The following GRID1 variants were observed in gnomAD, a reference collection of about 807,000 sequenced individuals.
GRID1 encodes glutamate receptor ionotropic, delta-1.
A neutral mutation model predicts 98.0 loss-of-function variants in GRID1; 28 were observed. The observed-to-expected ratio is 0.29, with a 90% CI of 0.21 to 0.39. GRID1 has a LOEUF of 0.39. Among genes scored for constraint, GRID1 ranks in the 10% least tolerant of loss-of-function variants. GRID1 has a pLI of 1.00. For missense variants in GRID1, 1,111 were observed against 1,340.5 expected (o/e 0.83, Z 2.67); for synonymous variants, 553 against 538.5 (o/e 1.03, Z -0.37).
chr10:86,069,949 G>T (rs1843779802), intron 4 of GRID1, among the ~76,000 whole-genome samples: 1 of 152,152 alleles, frequency 6.6e-6, no homozygotes, highest in Non-Finnish European at 1.5e-5. Context: ...GGAAGACAGG[G>T]ATGCCGAAGA....
intron 2 of GRID1, among the ~76,000 whole-genome samples, chr10:86,243,718 A>G (rs961662256): frequency 6.6e-5 from 10 of 152,218 alleles, no homozygotes; most frequent in African/African-American, 2.4e-4. Context: ...CCTGGAAATG[A>G]AAGTTGCTTG....
rs1167045811 is a variant in GRID1 at position 85,800,393 on chromosome 10, C to T, written c.1233+54103G>A. On this transcript the variant is annotated intron_variant, in intron 8 of 15. Coordinates refer to ENST00000327946, the MANE Select transcript of GRID1 (RefSeq NM_017551.3). ...AAACTATGTTCTTAACCAAAGGTTA[C>T]AAGATAGAAACAAAAACATAAGATA... 3.3e-5 allele frequency among the ~76,000 whole-genome samples: 5 copies of T among 151,812 alleles called. No homozygotes were observed. In the East Asian group the frequency reaches 9.7e-4, roughly 29 times the overall value.
At chr10:85,783,646 T>A (rs970068081) in intron 8 of GRID1, among the ~76,000 whole-genome samples, 1 of 152,186 alleles carries the variant, frequency 6.6e-6, no homozygotes, top group Non-Finnish European at 1.5e-5. Context: ...TTCGTCCTTG[T>A]GTCATGAGGT....
intron 4 of GRID1, among the ~76,000 whole-genome samples, chr10:85,927,438 AC>A (rs1482541369): frequency 6.0e-5 from 9 of 151,084 alleles, no homozygotes; most frequent in African/African-American, 2.0e-4. Flanking sequence ...CCTGGCTTTT[AC>A]CCCATAAGCT....
chr10:85,664,132 T>C (rs6585974), intron 12 of GRID1, among the ~76,000 whole-genome samples: 6,839 of 152,122 alleles, frequency 0.045, 464 homozygotes, highest in African/African-American at 0.15. Flanking sequence ...GGAGGGAGCT[T>C]TTGACTGGGA....
intron 6 of GRID1, among the ~76,000 whole-genome samples, chr10:85,863,838 G>T (rs1004858889): frequency 6.6e-6 from 1 of 152,174 alleles, no homozygotes; most frequent in East Asian, 1.9e-4. Flanking sequence ...GGGTATTCCA[G>T]CCTAGTATTT....
chr10:85,780,559 C>A (rs1042539112), intron 8 of GRID1, among the ~76,000 whole-genome samples: 1 of 152,184 alleles, frequency 6.6e-6, no homozygotes, highest in Non-Finnish European at 1.5e-5. Flanking sequence ...ATAATCCCTC[C>A]TATGGGGCTG....
Position 85,770,086 on chromosome 10 carries a change from C to A in GRID1, c.1234-40472G>T, listed in dbSNP as rs1353637802. 2.0e-5 allele frequency among the ~76,000 whole-genome samples: 3 copies of A among 152,328 alleles called. No individual in the cohort carries two copies. The South Asian group carries it at 6.2e-4, about 32-fold the overall frequency. On this transcript the variant is annotated intron_variant, in intron 8 of 15. Coordinates refer to ENST00000327946, the MANE Select transcript of GRID1 (RefSeq NM_017551.3). ...ACTGAGAGGCACCCCCCAGTAGGGG[C>A]AGACTGACACCTCACACGGCCGGGT...
intron 3 of GRID1, among the ~76,000 whole-genome samples, chr10:86,201,320 T>A (rs1845947271): frequency 1.3e-5 from 2 of 152,180 alleles, no homozygotes; most frequent in South Asian, 4.1e-4. Context: ...TGCAGAAGTG[T>A]TATTCCACAT....
chr10:85,968,569 G>A (rs767373532), intron 4 of GRID1, among the ~76,000 whole-genome samples: 2 of 151,804 alleles, frequency 1.3e-5, no homozygotes, highest in Non-Finnish European at 1.5e-5. Flanking sequence ...GAAGGGGGAG[G>A]AAACAGCTAC....
At chr10:85,620,967 G>C (rs1842852463) in intron 13 of GRID1, among the ~76,000 whole-genome samples, 1 of 152,138 alleles carries the variant, frequency 6.6e-6, no homozygotes, top group African/African-American at 2.4e-5. Flanking sequence ...CTTCCATCAG[G>C]AACTTGCCTG....
At chr10:85,834,938 G>C (rs1466823698) in intron 8 of GRID1, among the ~76,000 whole-genome samples, 4 of 151,898 alleles carry the variant, frequency 2.6e-5, no homozygotes, top group Non-Finnish European at 5.9e-5. Context: ...ACTAAATGCT[G>C]TTTGCAAAAA....
chr10:86,018,979 G>A (rs997472857), intron 4 of GRID1, among the ~76,000 whole-genome samples: 1 of 152,228 alleles, frequency 6.6e-6, no homozygotes, highest in Admixed American at 6.5e-5. Flanking sequence ...TGAGGAGTTT[G>A]CAGCTCCAAA....
At chr10:86,104,884 AG>A (rs1471757605) in intron 4 of GRID1, among the ~76,000 whole-genome samples, 1 of 151,652 alleles carries the variant, frequency 6.6e-6, no homozygotes, top group Non-Finnish European at 1.5e-5. Context: ...GACAGCGGAC[AG>A]GGGGGCAAAA....
rs573567354 is a variant in GRID1 at position 86,215,547 on chromosome 10, C to G, written c.236-8899G>C. On this transcript the variant is annotated intron_variant, in intron 2 of 15. Coordinates refer to ENST00000327946, the MANE Select transcript of GRID1 (RefSeq NM_017551.3). ...GCCAGGATTCACATGGAAGCCTACA[C>G]TGTGAAAGTTAAATCAGGACAGTGA... 2.0e-5 allele frequency among the ~76,000 whole-genome samples: 3 copies of G among 152,268 alleles called. No homozygotes were observed. The South Asian group carries it at 6.2e-4, about 32-fold the overall frequency.
intron 3 of GRID1, among the ~76,000 whole-genome samples, chr10:86,203,187 CT>C (rs1845977932): frequency 6.6e-6 from 1 of 152,204 alleles, no homozygotes; most frequent in African/African-American, 2.4e-5. Flanking sequence ...TTCTGTTTGA[CT>C]TTGGAAAGAA....
intron 5 of GRID1, among the ~76,000 whole-genome samples, chr10:85,892,334 A>G (rs1841214621): frequency 6.6e-6 from 1 of 151,898 alleles, no homozygotes; most frequent in African/African-American, 2.4e-5. Flanking sequence ...GGGATACAGA[A>G]AAAAGTACTT....
At chr10:86,091,065 T>C (rs1306198418) in intron 4 of GRID1, among the ~76,000 whole-genome samples, 1 of 152,022 alleles carries the variant, frequency 6.6e-6, no homozygotes, top group Non-Finnish European at 1.5e-5. Context: ...AAGCAGGGGG[T>C]AAAACTCCAC....
rs112024028 is a variant in GRID1 at position 86,365,765 on chromosome 10, G to C, written c.79+549C>G. 0.015 allele frequency among the ~76,000 whole-genome samples: 2,292 copies of C among 152,074 alleles called. 57 individuals carry two copies. The highest frequency in any genetic ancestry group is 0.052 in the African/African-American group (2,166 of 41,488). On this transcript the variant is annotated intron_variant, in intron 1 of 15. Transcript: ENST00000327946. This position sits in a 1 kb window ranked among gnomAD's most constrained non-coding sequence, Gnocchi z 4.8. Reference sequence around the variant, plus strand: ...CACTCTAACAGGCTGACAGACAGTCGTGCACGCACCAACACACGCTCAGAT... The same window carrying C: ...CACTCTAACAGGCTGACAGACAGTCCTGCACGCACCAACACACGCTCAGAT...
Sources: gnomAD v4.1 joint callset for allele counts (sites outside exome capture counted in the v4.1 genomes callset) on GRCh38, gnomAD v4.1.1 for gene constraint, Gnocchi (gnomAD v3.1) non-coding constraint, MANE v1.5 for transcripts, NCBI Gene and HGNC (gene_info 2026-07-23, HGNC 2026-07-21) for gene names.